Variants in ARMH4 observed in about 807,000 individuals in gnomAD.
The protein encoded by ARMH4 is armadillo-like helical domain-containing protein 4.
In ARMH4, 49 loss-of-function variants were observed where a neutral mutation model predicts 61.9. That is an observed-to-expected ratio of 0.79 (90% confidence interval 0.63 to 1.00). The LOEUF (loss-of-function observed/expected upper bound fraction) is 1.00. Among genes scored for constraint, ARMH4 ranks in the 50% least tolerant of loss-of-function variants. ARMH4 has a pLI of 0.00. For missense variants in ARMH4, 934 were observed against 930.0 expected, an observed-to-expected ratio of 1.00 and a Z score of -0.06; for synonymous variants, 368 against 341.5, an observed-to-expected ratio of 1.08 and a Z score of -0.85.
chr14:58,071,832 T>C (rs115788534), intron 5 of ARMH4, among the ~76,000 whole-genome samples: 22 of 152,350 alleles, frequency 1.4e-4, no homozygotes, highest in African/African-American at 5.1e-4. Context: ...GGATATTCTT[T>C]ATGCATTTCA....
intron 4 of ARMH4, among the ~76,000 whole-genome samples, chr14:58,112,437 A>G (rs1201413573): frequency 6.6e-6 from 1 of 152,062 alleles, no homozygotes; most frequent in East Asian, 1.9e-4. Flanking sequence ...CTTAATCACT[A>G]TCTTATCACT....
chr14:58,071,231 G>C (rs1001553326), intron 5 of ARMH4, among the ~76,000 whole-genome samples: 1 of 151,432 alleles, frequency 6.6e-6, no homozygotes, highest in East Asian at 1.9e-4. Context: ...AAAGAGGCAA[G>C]AAAAGTTGTT....
In ARMH4 at chr14:58,128,602, A is replaced by G. The variant is rs1833327045; in HGVS notation, c.1831+2910T>C. Among the ~76,000 whole-genome samples the G allele has an allele frequency of 2.6e-5, 4 of 152,220 alleles. No individual in the cohort carries two copies. In the South Asian group the frequency reaches 8.3e-4, roughly 31 times the overall value. On this transcript the variant is annotated intron_variant, in intron 4 of 7. Transcript: ENST00000267485. ...ATCAAACTGCATTTTTGCTGACAAG[A>G]TAAAAGACACTGAAATATGCACAAG...
chr14:58,065,370 G>T (rs180719601), intron 5 of ARMH4, among the ~76,000 whole-genome samples: 2 of 152,316 alleles, frequency 1.3e-5, no homozygotes, highest in East Asian at 3.9e-4. Flanking sequence ...AACCTACCAA[G>T]CATCATAATT....
chr14:58,095,913 T>A (rs1297978858), intron 5 of ARMH4, among the ~76,000 whole-genome samples: 3 of 152,190 alleles, frequency 2.0e-5, no homozygotes, highest in African/African-American at 7.2e-5. Flanking sequence ...AGAGAAGAGT[T>A]TCCTTGGAGA....
chr14:58,100,482 T>A (rs1265355131), intron 4 of ARMH4, among the ~76,000 whole-genome samples: 1 of 151,794 alleles, frequency 6.6e-6, no homozygotes, highest in African/African-American at 2.4e-5. Context: ...CAATTGAGAG[T>A]GTGAGGGATA....
Position 58,100,765 on chromosome 14 carries a change from C to A in ARMH4, c.1832-3784G>T, listed in dbSNP as rs567681179. ...TTCTCCTGGAGTGCCCCTGCCTGTA[C>A]CCCCAAGACCAAGATCACAGCTTCA... On this transcript the variant is annotated intron_variant, in intron 4 of 7. Coordinates refer to ENST00000267485, the MANE Select transcript of ARMH4 (RefSeq NM_001001872.4). Among the ~76,000 whole-genome samples the A allele has an allele frequency of 1.1e-4, 17 of 152,206 alleles. No individual in the cohort carries two copies. The East Asian group carries it at 3.1e-3, about 28-fold the overall frequency.
chr14:58,101,669 T>C (rs1275144190), intron 4 of ARMH4: 2 of 151,772 alleles, frequency 1.3e-5, no homozygotes, highest in African/African-American at 2.4e-5. Flanking sequence ...TGTTTGGAGA[T>C]TTTAACCAGA....
At chr14:58,091,366 G>C (rs1177616842) in intron 5 of ARMH4, among the ~76,000 whole-genome samples, 1 of 152,204 alleles carries the variant, frequency 6.6e-6, no homozygotes, top group Non-Finnish European at 1.5e-5. Flanking sequence ...GATAGTAGTA[G>C]AGCAAAATGG....
chr14:58,071,750 T>G (rs10147637), intron 5 of ARMH4, among the ~76,000 whole-genome samples: 75,278 of 152,104 alleles, frequency 0.49, 19,173 homozygotes, highest in Admixed American at 0.57. Context: ...TCAAGAGAGA[T>G]ATAATGACAG....
chr14:58,116,527 T>A (rs1886532496), intron 4 of ARMH4: 1 of 238,342 alleles, frequency 4.2e-6, no homozygotes, highest in African/African-American at 2.3e-5. Context: ...AATACAAAAG[T>A]TGGCTGGGTG....
chr14:58,042,061 T>C (rs560146908), intron 5 of ARMH4, among the ~76,000 whole-genome samples: 77 of 151,606 alleles, frequency 5.1e-4, no homozygotes, highest in African/African-American at 1.7e-3. Context: ...AACAAGGATA[T>C]CCAGGAATTG....
At chr14:58,061,474 C>G (rs1400795060) in intron 5 of ARMH4, among the ~76,000 whole-genome samples, 1 of 152,188 alleles carries the variant, frequency 6.6e-6, no homozygotes, top group Admixed American at 6.5e-5. Context: ...TCAGGACTGA[C>G]ACTGTAGCTT....
intron 5 of ARMH4, among the ~76,000 whole-genome samples, chr14:58,021,213 T>C (rs1348337573): frequency 6.6e-6 from 1 of 152,184 alleles, no homozygotes; most frequent in Non-Finnish European, 1.5e-5. Flanking sequence ...AAGTTTCATC[T>C]TGAATTGTAA....
At chr14:58,119,906 A>AT (rs1388985311) in intron 4 of ARMH4, among the ~76,000 whole-genome samples, 1 of 152,080 alleles carries the variant, frequency 6.6e-6, no homozygotes, top group Non-Finnish European at 1.5e-5. Context: ...ACTCTTTAGA[A>AT]TTTTTTCCAT....
intron 4 of ARMH4, among the ~76,000 whole-genome samples, chr14:58,129,164 C>G (rs1479504326): frequency 6.6e-6 from 1 of 152,168 alleles, no homozygotes; most frequent in Admixed American, 6.5e-5. Flanking sequence ...AAACTCATAC[C>G]CCCTCTCAGT....
chr14:58,017,747 T>C (rs8019695), intron 5 of ARMH4, among the ~76,000 whole-genome samples: 35,294 of 152,084 alleles, frequency 0.23, 4,639 homozygotes, highest in Non-Finnish European at 0.3. Flanking sequence ...AAAATCCCAA[T>C]GACATTTTTC....
At chr14:58,134,669 A>C (rs1594777662) in intron 2 of ARMH4, among the ~76,000 whole-genome samples, 1 of 152,252 alleles carries the variant, frequency 6.6e-6, no homozygotes. Context: ...GTTTTTATTA[A>C]TGACAGGCCA....
intron 5 of ARMH4, among the ~76,000 whole-genome samples, chr14:58,032,676 C>T (rs888808006): frequency 2.6e-5 from 4 of 151,810 alleles, no homozygotes; most frequent in South Asian, 2.1e-4. Flanking sequence ...AGACAGTGGG[C>T]GCAGGCCAGT....
Sources: gnomAD v4.1 joint callset for allele counts (sites outside exome capture counted in the v4.1 genomes callset) on GRCh38, gnomAD v4.1.1 for gene constraint, MANE v1.5 for transcripts, NCBI Gene and HGNC (gene_info 2026-07-23, HGNC 2026-07-21) for gene names.